GRAMD1B: variants seen among roughly 807,000 people sequenced by gnomAD.
GRAMD1B encodes the protein GRAM domain containing 1B.
GRAMD1B carries 37 observed loss-of-function variants against 99.7 expected under a neutral mutation model. The ratio of observed to expected loss-of-function variants is 0.37; its 90% CI spans 0.29 to 0.49. The LOEUF is 0.49. GRAMD1B is among the 20% of genes least tolerant of loss of function. The probability of loss-of-function intolerance (pLI) is 0.98; values close to 1 mark genes in which losing one functional copy is unlikely to be tolerated. For missense variants in GRAMD1B, 888 were observed against 1,009.2 expected (o/e 0.88, Z 1.63); for synonymous variants, 427 against 387.6 (o/e 1.10, Z -1.19).
At chr11:123,433,010 C>T (rs1320201700) in intron 1 of GRAMD1B, among the ~76,000 whole-genome samples, 2 of 152,154 alleles carry the variant, frequency 1.3e-5, no homozygotes, top group East Asian at 1.9e-4. Context: ...ACCCTTTTCA[C>T]AGAGTAGAGG....
chr11:123,435,407 G>GT, intron 1 of GRAMD1B: 2 of 698,070 alleles, frequency 2.9e-6, no homozygotes, highest in South Asian at 1.5e-5. Context: ...TTGTTTGTTT[G>GT]TTTTTTTACT....
chr11:123,582,994 G>A (rs1949551164), intron 3 of GRAMD1B, among the ~76,000 whole-genome samples: 1 of 152,214 alleles, frequency 6.6e-6, no homozygotes, highest in African/African-American at 2.4e-5. Context: ...GCATGTGTGT[G>A]TGTGCATGCG....
At chr11:123,563,607 G>A (rs1260889415) in intron 2 of GRAMD1B, among the ~76,000 whole-genome samples, 2 of 151,878 alleles carry the variant, frequency 1.3e-5, no homozygotes, top group Admixed American at 6.6e-5. Context: ...TGTCTCCAGG[G>A]CTCAAGCAAT....
intron 1 of GRAMD1B, among the ~76,000 whole-genome samples, chr11:123,477,634 C>A (rs1272757692): frequency 1.4e-5 from 2 of 142,350 alleles, no homozygotes; most frequent in Non-Finnish European, 1.5e-5. Flanking sequence ...TCTCCCCTCC[C>A]CTCCCTTCCC....
At chr11:123,456,919 C>CAAAAAA (rs546768047) in intron 1 of GRAMD1B, among the ~76,000 whole-genome samples, 2 of 81,806 alleles carry the variant, frequency 2.4e-5, no homozygotes, top group African/African-American at 4.7e-5. Flanking sequence ...GACTCTGTCT[C>CAAAAAA]AAAAAAAAAA....
chr11:123,442,046 A>G (rs1949433267), intron 1 of GRAMD1B, among the ~76,000 whole-genome samples: 1 of 152,186 alleles, frequency 6.6e-6, no homozygotes, highest in Non-Finnish European at 1.5e-5. Flanking sequence ...TCAACACAGA[A>G]CATTTCTGTG....
At chr11:123,560,613 G>A (rs1342556796) in intron 2 of GRAMD1B, 1 of 504,284 alleles carries the variant, frequency 2.0e-6, no homozygotes, top group South Asian at 1.5e-5. Context: ...GTTCCTCTCT[G>A]CACTGCACTC....
chr11:123,362,050 G>T (rs1849479088), intron 1 of GRAMD1B, among the ~76,000 whole-genome samples: 1 of 152,210 alleles, frequency 6.6e-6, no homozygotes. Flanking sequence ...TCTGGAATGG[G>T]TTGACGTTGA....
rs1322567746 is a variant in GRAMD1B at position 123,548,313 on chromosome 11, T to TACACAC, written c.453-29053_453-29052insCACACA. Among the ~76,000 whole-genome samples, 9 of 85,480 alleles carry TACACAC rather than the reference T, an allele frequency of 1.1e-4. No homozygotes were observed. In the East Asian group the frequency reaches 2.5e-3, roughly 24 times the overall value. 56.1% of individuals were successfully genotyped at this position (85,480 alleles called of 152,430 possible). A position where few individuals can be genotyped will look rare whatever the true frequency, so the allele number is the denominator to read the frequency against. On this transcript the variant is annotated intron_variant, in intron 2 of 19. Coordinates refer to ENST00000635736, the MANE Select transcript of GRAMD1B (RefSeq NM_001387025.1). ...CAAAATATATATATATATATATATA[T>TACACAC]ATATATATATATACACACACACACA...
chr11:123,363,449 G>T (rs1263566105), intron 1 of GRAMD1B, among the ~76,000 whole-genome samples: 1 of 152,204 alleles, frequency 6.6e-6, no homozygotes, highest in African/African-American at 2.4e-5. Flanking sequence ...GTTTTGATGA[G>T]GGTGGGCAGA....
At chr11:123,622,461 T>G (rs1475782245) in intron 19 of GRAMD1B, 45 bp from the exon 20 acceptor site, 1 of 1,210,314 alleles carries the variant, frequency 8.3e-7, no homozygotes, top group South Asian at 1.3e-5. Flanking sequence ...AGAATCCCAC[T>G]AAAAGCGCAG....
Position 123,613,555 on chromosome 11 carries a change from G to A in GRAMD1B, c.2124G>A (p.Lys708=), listed in dbSNP as rs1034438726. 4 of 1,613,792 alleles carry A rather than the reference G, an allele frequency of 2.5e-6. No homozygotes were observed. The highest frequency in any genetic ancestry group is 3.4e-6 in the Non-Finnish European group (4 of 1,179,774). Residue 708 remains lysine (K), a synonymous_variant, in exon 16 of 20, where the codon AAG becomes AAA. Coordinates refer to ENST00000635736, the MANE Select transcript of GRAMD1B (RefSeq NM_001387025.1). Reference sequence around the variant, plus strand: ...AGACTACAACGGTGCGGAGGAGGAAGCGTCCCCATGCCCACCTGCGAGTCC... The same window carrying A: ...AGACTACAACGGTGCGGAGGAGGAAACGTCCCCATGCCCACCTGCGAGTCC... ...ASKTTTVRRR[K]RPHAHLRVPH...
At chr11:123,576,029 G>A (rs1182908990) in intron 2 of GRAMD1B, among the ~76,000 whole-genome samples, 2 of 151,544 alleles carry the variant, frequency 1.3e-5, no homozygotes, top group African/African-American at 4.8e-5. Context: ...AAAAGTTACC[G>A]CACTGCCTGC....
chr11:123,374,714 A>G (rs543038590), intron 1 of GRAMD1B, among the ~76,000 whole-genome samples: 1 of 152,324 alleles, frequency 6.6e-6, no homozygotes, highest in Non-Finnish European at 1.5e-5. Flanking sequence ...AGGGCTAATG[A>G]GCTTTCACTC....
chr11:123,361,492 A>T (rs1946145413), intron 1 of GRAMD1B, among the ~76,000 whole-genome samples: 1 of 152,086 alleles, frequency 6.6e-6, no homozygotes. Flanking sequence ...CTTTTCATGG[A>T]TCTTTCAGCT....
intron 1 of GRAMD1B, among the ~76,000 whole-genome samples, chr11:123,448,768 G>C (rs945456645): frequency 8.5e-5 from 13 of 152,108 alleles, no homozygotes; most frequent in African/African-American, 3.1e-4. Flanking sequence ...GGTACTTTTT[G>C]TTTTCACGAG....
intron 3 of GRAMD1B, 48 bp downstream of exon 3, chr11:123,577,625 G>A (rs757735316): frequency 2.9e-5 from 41 of 1,405,900 alleles, no homozygotes; most frequent in Admixed American, 3.9e-5. Context: ...GGGGCTGCGG[G>A]GAGCGATATT....
intron 1 of GRAMD1B, among the ~76,000 whole-genome samples, chr11:123,411,954 AATT>A (rs10552044): frequency 0.17 from 25,300 of 152,052 alleles, 2,790 homozygotes; most frequent in African/African-American, 0.32. Flanking sequence ...TTTTGAAAAC[AATT>A]ATTATGAACA....
chr11:123,621,227 C>T (rs1286275267), intron 19 of GRAMD1B, among the ~76,000 whole-genome samples: 1 of 152,042 alleles, frequency 6.6e-6, no homozygotes, highest in South Asian at 2.1e-4. Context: ...AACCATTTAC[C>T]CCAGAAATGT....
Sources: gnomAD v4.1 joint callset for allele counts (sites outside exome capture counted in the v4.1 genomes callset) on GRCh38, gnomAD v4.1.1 for gene constraint, MANE v1.5 for transcripts, NCBI Gene and HGNC (gene_info 2026-07-23, HGNC 2026-07-21) for gene names.